Variants in STYK1 observed in about 807,000 individuals in gnomAD.
STYK1 encodes the protein STY kinase 1.
A neutral mutation model predicts 48.1 loss-of-function variants in STYK1; 46 were observed. That is an observed-to-expected ratio of 0.96 (90% CI 0.75 to 1.22). STYK1 has a LOEUF of 1.22. STYK1 is among the 50% of genes most tolerant of loss of function. The pLI is 0.00. For synonymous variants in STYK1, 188 were observed against 189.0 expected, an observed-to-expected ratio of 0.99 and a Z score of 0.04; for missense variants, 527 against 521.1, an observed-to-expected ratio of 1.01 and a Z score of -0.11.
At chr12:10,631,010 T>G (rs763585883) in intron 5 of STYK1, 35 bp downstream of exon 5, 26 of 1,607,014 alleles carry the variant, frequency 1.6e-5, no homozygotes, top group Middle Eastern at 2.0e-4. Context: ...TATTTACTGT[T>G]AGGGGAAGGG....
chr12:10,659,804 C>T (rs897753692), intron 1 of STYK1, among the ~76,000 whole-genome samples: 10 of 152,138 alleles, frequency 6.6e-5, no homozygotes, highest in African/African-American at 2.4e-4. Context: ...AATAGTAAAG[C>T]TTATTTTTGC....
Position 10,635,596 on chromosome 12 carries a change from A to G in STYK1, c.-68-910T>C, listed in dbSNP as rs74545297. ...TTAAATAAAAAGAAAATACATTCAT[A>G]TGATTCAAAAAATAGTAGTGTAAAA... On this transcript the variant is annotated intron_variant, in intron 2 of 10. Coordinates refer to ENST00000075503, the MANE Select transcript of STYK1 (RefSeq NM_018423.3). Among the ~76,000 whole-genome samples, 554 of 152,326 alleles carry G rather than the reference A, an allele frequency of 3.6e-3. 5 individuals are homozygous for G. The highest frequency in any genetic ancestry group is 6.9e-3 in the Non-Finnish European group (469 of 68,034).
intron 1 of STYK1, among the ~76,000 whole-genome samples, chr12:10,648,521 G>A (rs1257920200): frequency 6.6e-6 from 1 of 151,988 alleles, no homozygotes; most frequent in African/African-American, 2.4e-5. Flanking sequence ...GTTGAACTAA[G>A]ATGAAAGATT....
At chr12:10,623,589 A>T (rs1251295592) in intron 8 of STYK1, among the ~76,000 whole-genome samples, 6 of 152,162 alleles carry the variant, frequency 3.9e-5, no homozygotes, top group African/African-American at 1.4e-4. Context: ...CTTCAAACAA[A>T]GTTTGAAGGA....
intron 1 of STYK1, among the ~76,000 whole-genome samples, chr12:10,639,228 A>T (rs138809033): frequency 1.2e-4 from 19 of 152,324 alleles, no homozygotes; most frequent in African/African-American, 4.6e-4. Flanking sequence ...CAATGCTCAG[A>T]TCTAGAGAAT....
At chr12:10,662,430 C>T (rs1947787083) in intron 1 of STYK1, among the ~76,000 whole-genome samples, 1 of 152,226 alleles carries the variant, frequency 6.6e-6, no homozygotes, top group South Asian at 2.1e-4. Flanking sequence ...TTTTGAGGAA[C>T]TGACAACTGT....
At chr12:10,645,603 GAC>G (rs1282561882) in intron 1 of STYK1, among the ~76,000 whole-genome samples, 3 of 152,154 alleles carry the variant, frequency 2.0e-5, no homozygotes, top group Non-Finnish European at 2.9e-5. Flanking sequence ...CAGAAAAAGA[GAC>G]ACATATTTAG....
At chr12:10,631,492 C>A (rs1247589421) in intron 4 of STYK1, among the ~76,000 whole-genome samples, 184 bp from the exon 5 acceptor site, 2 of 152,210 alleles carry the variant, frequency 1.3e-5, no homozygotes, top group African/African-American at 4.8e-5. Context: ...TTATAATAAT[C>A]CCCATTAGTT....
intron 1 of STYK1, among the ~76,000 whole-genome samples, chr12:10,650,332 C>A (rs144422579): frequency 6.6e-6 from 1 of 152,000 alleles, no homozygotes; most frequent in African/African-American, 2.4e-5. Context: ...TCTATTGAAG[C>A]CTTGGTTTAC....
At position 10,672,098 on chromosome 12, in the gene STYK1, C is replaced by G. The variant is rs1947896731; in HGVS notation, c.-195+1868G>C. Among the ~76,000 whole-genome samples, 1 of 152,070 alleles carries G rather than the reference C, an allele frequency of 6.6e-6. No individual in the cohort carries two copies. Among genetic ancestry groups the G allele is most frequent in the Non-Finnish European group, 1.5e-5 (1 of 68,012 alleles). On this transcript the variant is annotated intron_variant, in intron 1 of 10. Transcript: ENST00000075503. This position sits in a 1 kb window ranked among gnomAD's most constrained non-coding sequence, Gnocchi z 4.0. ...CAGAGACATATATACAGGGAGAACA[C>G]CATATAAACATCAAGACAGCCATCT...
chr12:10,634,724 T>C (rs1020412048), intron 2 of STYK1, 38 bp from the exon 3 acceptor site: 2 of 1,318,960 alleles, frequency 1.5e-6, no homozygotes, highest in Non-Finnish European at 2.1e-6. Context: ...ATAAAATGAA[T>C]GAAAAAAAAT....
chr12:10,662,386 G>C (rs1280651081), intron 1 of STYK1, among the ~76,000 whole-genome samples: 2 of 152,202 alleles, frequency 1.3e-5, no homozygotes, highest in African/African-American at 4.8e-5. Context: ...ATATGTAGGA[G>C]TGAAATTGCT....
intron 1 of STYK1, among the ~76,000 whole-genome samples, chr12:10,664,129 A>G (rs941736795): frequency 6.6e-6 from 1 of 152,128 alleles, no homozygotes; most frequent in Non-Finnish European, 1.5e-5. Context: ...ATATAAGGCC[A>G]CTGTTGATCC....
At chr12:10,664,787 T>TA (rs1947816936) in intron 1 of STYK1, among the ~76,000 whole-genome samples, 1 of 152,240 alleles carries the variant, frequency 6.6e-6, no homozygotes. Context: ...GGGGAGATTA[T>TA]AATTGTAGTT....
intron 1 of STYK1, chr12:10,673,762 C>T (rs936839616): frequency 3.3e-5 from 5 of 152,240 alleles, no homozygotes; most frequent in Admixed American, 2.6e-4. Flanking sequence ...AAGCCAAACC[C>T]CACAAGATGC....
In STYK1 at chr12:10,624,764, G is replaced by T; in HGVS notation, c.813C>A (p.Gly271=). The part of the protein sequence containing the change: ...SDLTAKLCGL[G]LAYEVYTRGA... ...CTCGGGTGTAAACTTCATAAGCCAG[G>T]CCTAATCCACAGAGCTTAGCAGTGA... The change falls in exon 8 of 11, where the codon GGC becomes GGA. Residue 271 remains glycine (G), a synonymous_variant. Coordinates refer to ENST00000075503, the MANE Select transcript of STYK1 (RefSeq NM_018423.3). 6.2e-7 allele frequency: 1 copy of T among 1,614,104 alleles called. No homozygotes were observed. Among genetic ancestry groups the T allele is most frequent in the Non-Finnish European group, 8.5e-7 (1 of 1,180,008 alleles).
At chr12:10,621,616 T>C (rs1229553294) in intron 10 of STYK1, among the ~76,000 whole-genome samples, 2 of 152,064 alleles carry the variant, frequency 1.3e-5, no homozygotes, top group African/African-American at 2.4e-5. Flanking sequence ...ATTCCTGATA[T>C]AGTTCTCAGC....
intron 8 of STYK1, among the ~76,000 whole-genome samples, 187 bp downstream of exon 8, chr12:10,624,464 T>C (rs1375440131): frequency 6.6e-6 from 1 of 151,914 alleles, no homozygotes; most frequent in African/African-American, 2.4e-5. Context: ...GTTGAAAAAG[T>C]ACCAAAAAGG....
At chr12:10,645,361 A>G (rs1947587817) in intron 1 of STYK1, among the ~76,000 whole-genome samples, 1 of 152,170 alleles carries the variant, frequency 6.6e-6, no homozygotes, top group African/African-American at 2.4e-5. Flanking sequence ...TGAAAAGAGG[A>G]GTTCAGAGAG....
Sources: gnomAD v4.1 joint callset for allele counts (sites outside exome capture counted in the v4.1 genomes callset) on GRCh38, gnomAD v4.1.1 for gene constraint, Gnocchi (gnomAD v3.1) non-coding constraint, MANE v1.5 for transcripts, NCBI Gene and HGNC (gene_info 2026-07-23, HGNC 2026-07-21) for gene names.